Variants in SETD5 observed in about 807,000 individuals in gnomAD.
SETD5 encodes SET domain containing 5, also known as histone-lysine N-methyltransferase SETD5.
Under a neutral mutation model 153.3 loss-of-function variants are expected in SETD5, and 44 were observed. The ratio of observed to expected loss-of-function variants is 0.29; its 90% CI spans 0.23 to 0.37. The LOEUF (loss-of-function observed/expected upper bound fraction) is 0.37, where lower values mean the gene tolerates loss of function less well. SETD5 is among the 10% of genes least tolerant of loss of function. The probability of loss-of-function intolerance (pLI) is 1.00; values close to 1 mark genes in which losing one functional copy is unlikely to be tolerated. For synonymous variants in SETD5, 716 were observed against 645.2 expected, an observed-to-expected ratio of 1.11 and a Z score of -1.66; for missense variants, 1,544 against 1,768.0, an observed-to-expected ratio of 0.87 and a Z score of 2.27.
chr3:9,454,646 A>C (rs1469053274), intron 17 of SETD5, among the ~76,000 whole-genome samples: 15 of 149,696 alleles, frequency 1.0e-4, no homozygotes, highest in East Asian at 7.7e-4. Flanking sequence ...AAAAAAAAAA[A>C]AAAACAAATT....
At chr3:9,468,239 T>C (rs2044854681) in intron 18 of SETD5, among the ~76,000 whole-genome samples, 1 of 152,080 alleles carries the variant, frequency 6.6e-6, no homozygotes, top group South Asian at 2.1e-4. Context: ...CCAGTCTAAC[T>C]CTTTCCTTGT....
At chr3:9,440,974 A>G (rs2041209639) in intron 8 of SETD5, among the ~76,000 whole-genome samples, 3 of 152,168 alleles carry the variant, frequency 2.0e-5, no homozygotes, top group Admixed American at 1.3e-4. Context: ...TTTGGCAAGA[A>G]GCCAAGGTGG....
chr3:9,474,304 C>T, intron 20 of SETD5, 145 bp from the exon 21 acceptor site: 2 of 797,034 alleles, frequency 2.5e-6, no homozygotes, highest in Admixed American at 6.1e-5. Context: ...TAGTTGGAGG[C>T]AGAGGAAATA....
intron 18 of SETD5, among the ~76,000 whole-genome samples, chr3:9,469,741 G>A (rs1213357567): frequency 6.6e-6 from 1 of 152,204 alleles, no homozygotes; most frequent in Non-Finnish European, 1.5e-5. Flanking sequence ...CAAATAGTAG[G>A]TGGGGTTTAT....
intron 11 of SETD5, among the ~76,000 whole-genome samples, chr3:9,443,726 A>G (rs1280052257): frequency 6.6e-6 from 1 of 152,234 alleles, no homozygotes; most frequent in Non-Finnish European, 1.5e-5. Flanking sequence ...TTACAATAGC[A>G]TCCTGTTGTT....
intron 18 of SETD5, among the ~76,000 whole-genome samples, chr3:9,469,720 G>T (rs1261660584): frequency 6.6e-6 from 1 of 152,178 alleles, no homozygotes; most frequent in Non-Finnish European, 1.5e-5. Flanking sequence ...AAGTTTGGAG[G>T]TTATGATAAC....
rs138143964 is a variant in SETD5 at position 9,445,795 on chromosome 3, G to C, written c.1524+55G>C. 1.2e-5 allele frequency: 15 copies of C among 1,302,856 alleles called. No individual in the cohort carries two copies. In the East Asian group the frequency reaches 3.6e-4, roughly 31 times the overall value. 80.7% of individuals were successfully genotyped at this position (1,302,856 alleles called of 1,614,324 possible). ...TTCTCATTCCTGCTACCTCCATCAT[G>C]TGAACCTCTTCTGTTCTCTTGACTT... On this transcript the variant is annotated intron_variant, in intron 13 of 22. Coordinates refer to ENST00000402198, the MANE Select transcript of SETD5 (RefSeq NM_001080517.3).
At chr3:9,463,450 A>G (rs1303204340) in intron 17 of SETD5, among the ~76,000 whole-genome samples, 2 of 152,228 alleles carry the variant, frequency 1.3e-5, no homozygotes, top group Admixed American at 1.3e-4. Context: ...AATGAATAAA[A>G]CTGTATTTTT....
chr3:9,427,762 A>G (rs1049762281), intron 2 of SETD5, among the ~76,000 whole-genome samples: 7 of 152,168 alleles, frequency 4.6e-5, no homozygotes, highest in African/African-American at 1.7e-4. Context: ...CCCCCCAAAT[A>G]AAATGCTTTT....
chr3:9,433,212 TATC>T (rs1318437683), intron 3 of SETD5, among the ~76,000 whole-genome samples: 1 of 152,250 alleles, frequency 6.6e-6, no homozygotes, highest in Non-Finnish European at 1.5e-5. Context: ...TCTATGGTAT[TATC>T]ATGCAGCTGA....
chr3:9,409,210 A>G (rs2036182436), intron 1 of SETD5, among the ~76,000 whole-genome samples: 1 of 152,162 alleles, frequency 6.6e-6, no homozygotes, highest in Non-Finnish European at 1.5e-5. Context: ...GATTTACTTC[A>G]TATTAGATGA....
At position 9,445,962 on chromosome 3, in the gene SETD5, G is replaced by GTTTTTTTTTTTTTTTTTTTTTTTT. The variant is rs1432231015; in HGVS notation, c.1524+224_1524+225insTTTTTTTTTTTTTTTTTTTTTTTT. 5.0e-4 allele frequency among the ~76,000 whole-genome samples: 60 copies of GTTTTTTTTTTTTTTTTTTTTTTTT among 120,234 alleles called. 4 individuals carry two copies. Among genetic ancestry groups the GTTTTTTTTTTTTTTTTTTTTTTTT allele is most frequent in the East Asian group, 9.1e-4 (4 of 4,376 alleles). The allele number at this position is 120,234 out of a possible 152,430, so 78.9% of individuals were successfully genotyped here. A position where few individuals can be genotyped will look rare whatever the true frequency, so the allele number is the denominator to read the frequency against. On this transcript the variant is annotated intron_variant, in intron 13 of 22. Transcript: ENST00000402198. ...TATTATCTAGTGATGGTTTGAAGAGGTTGTTTTTTTTTTTTTTTTTTTTTT... is the reference window on the plus strand; with the variant it reads ...TATTATCTAGTGATGGTTTGAAGAGGTTTTTTTTTTTTTTTTTTTTTTTTTTGTTTTTTTTTTTTTTTTTTTTTT...
rs1267659761 is a variant in SETD5 at position 9,476,826 on chromosome 3, C to G, written c.*735C>G. On this transcript the variant is annotated 3_prime_UTR_variant, in exon 23 of 23. Coordinates refer to ENST00000402198, the MANE Select transcript of SETD5 (RefSeq NM_001080517.3). ...AACTGTTACCATCCTACTCCCCCTT[C>G]CCAAGCTATTTCACAGCTCAGTAAC... 1.3e-5 allele frequency: 2 copies of G among 152,576 alleles called. No individual in the cohort carries two copies. Among genetic ancestry groups the G allele is most frequent in the African/African-American group, 2.4e-5 (1 of 41,426 alleles). 9.5% of individuals were successfully genotyped at this position (152,576 alleles called of 1,614,324 possible).
Position 9,473,284 on chromosome 3 carries a change from TCTG to T in SETD5, c.3248_3250del (p.Ala1083del). ...ACGGAAACAAGAAGCTAAGGAAAAT[TCTG>T]CTGGTGGGGGAGGTGACTCTGCACA... On this transcript the variant is annotated inframe_deletion, in exon 20 of 23. Coordinates refer to ENST00000402198, the MANE Select transcript of SETD5 (RefSeq NM_001080517.3). The T allele has an allele frequency of 6.2e-7, 1 of 1,613,870 alleles. No homozygotes were observed. The highest frequency in any genetic ancestry group is 8.5e-7 in the Non-Finnish European group (1 of 1,179,786).
intron 18 of SETD5, among the ~76,000 whole-genome samples, chr3:9,467,667 C>G (rs1266104275): frequency 6.6e-6 from 1 of 152,108 alleles, no homozygotes; most frequent in Admixed American, 6.5e-5. Flanking sequence ...CCTAGCACCC[C>G]TGAGTCATTG....
Position 9,434,941 on chromosome 3 carries a change from G to A in SETD5, c.388+59G>A. The A allele has an allele frequency of 6.4e-7, 1 of 1,572,944 alleles. No homozygotes were observed. The highest frequency in any genetic ancestry group is 1.2e-5 in the South Asian group (1 of 85,572). On this transcript the variant is annotated intron_variant, in intron 6 of 22. Coordinates refer to ENST00000402198, the MANE Select transcript of SETD5 (RefSeq NM_001080517.3). The surrounding 1 kb of genome is among the most constrained non-coding windows in gnomAD (Gnocchi z 5.6). ...CATAAAAATATTCTGTGATCTGAAT[G>A]TTCATTTTAAGAACCCCTCTTGGCC... is the stretch of plus-strand genomic sequence containing the variant.
chr3:9,438,646 A>C (rs765945416), intron 7 of SETD5, among the ~76,000 whole-genome samples: 1 of 152,256 alleles, frequency 6.6e-6, no homozygotes, highest in Non-Finnish European at 1.5e-5. Flanking sequence ...AAGAATTAGA[A>C]AAAATTATCA....
chr3:9,413,984 G>T (rs1232837963), intron 1 of SETD5, among the ~76,000 whole-genome samples: 1 of 152,006 alleles, frequency 6.6e-6, no homozygotes, highest in Admixed American at 6.6e-5. Context: ...CACCATTTTG[G>T]CCAGGATGGT....
At chr3:9,459,749 A>C (rs1414794199) in intron 17 of SETD5, among the ~76,000 whole-genome samples, 1 of 151,886 alleles carries the variant, frequency 6.6e-6, no homozygotes, top group African/African-American at 2.4e-5. Flanking sequence ...TAAAAGAAGA[A>C]TATACGATGA....
Sources: allele counts gnomAD v4.1 joint callset (sites outside exome capture counted in the v4.1 genomes callset), GRCh38; gene constraint gnomAD v4.1.1; non-coding constraint Gnocchi (gnomAD v3.1); transcripts MANE v1.5; gene names NCBI Gene and HGNC (gene_info 2026-07-23, HGNC 2026-07-21).